ZNF385D: variants seen among roughly 807,000 people sequenced by gnomAD.
ZNF385D encodes the protein zinc finger protein 385D.
ZNF385D carries 15 observed loss-of-function variants against 35.8 expected under a neutral mutation model. That is an observed-to-expected ratio of 0.42 (90% confidence interval 0.28 to 0.64). The LOEUF is 0.64. Ranked by LOEUF, ZNF385D falls within the 30% of genes least tolerant of loss-of-function variation. ZNF385D has a pLI of 0.23. For missense variants in ZNF385D, 474 were observed against 494.6 expected, an observed-to-expected ratio of 0.96 and a Z score of 0.39; for synonymous variants, 212 against 186.8, an observed-to-expected ratio of 1.13 and a Z score of -1.10.
chr3:22,259,741 T>C (rs762077149), intron 2 of ZNF385D, among the ~76,000 whole-genome samples: 2 of 151,990 alleles, frequency 1.3e-5, no homozygotes, highest in East Asian at 1.9e-4. Flanking sequence ...GGTCCTTATA[T>C]AGTTGGTACC....
chr3:22,316,691 A>G (rs1368473700), intron 2 of ZNF385D, among the ~76,000 whole-genome samples: 1 of 152,232 alleles, frequency 6.6e-6, no homozygotes, highest in East Asian at 1.9e-4. Flanking sequence ...GATTAATAAT[A>G]GTATTTACCA....
At chr3:21,982,028 A>C (rs2336522) in intron 3 of ZNF385D, among the ~76,000 whole-genome samples, 46 of 149,206 alleles carry the variant, frequency 3.1e-4, no homozygotes, top group African/African-American at 9.4e-4. Flanking sequence ...TGTGCTTAGG[A>C]TCGCCTTGGC....
chr3:22,153,825 TAGTC>T (rs1233348854), intron 3 of ZNF385D, among the ~76,000 whole-genome samples: 2 of 152,060 alleles, frequency 1.3e-5, no homozygotes, highest in Non-Finnish European at 1.5e-5. Flanking sequence ...GCTGGTCTCA[TAGTC>T]AGCTTCCTCA....
intron 3 of ZNF385D, among the ~76,000 whole-genome samples, chr3:21,997,133 T>C (rs1014578334): frequency 2.6e-5 from 4 of 151,872 alleles, no homozygotes; most frequent in Non-Finnish European, 4.4e-5. Context: ...ATTAAGAAAA[T>C]ATGGCACATA....
At chr3:21,744,894 G>A (rs1418335483) in intron 1 of ZNF385D, among the ~76,000 whole-genome samples, 1 of 152,078 alleles carries the variant, frequency 6.6e-6, no homozygotes, top group Non-Finnish European at 1.5e-5. Context: ...TGTTTCAGCA[G>A]CAAAAGGGAC....
chr3:21,511,089 C>T, intron 3 of ZNF385D, 66 bp from the exon 4 acceptor site: 4 of 1,571,896 alleles, frequency 2.5e-6, no homozygotes, highest in Non-Finnish European at 3.5e-6. Flanking sequence ...CTCTGTATTA[C>T]TGCAAATACA....
intron 2 of ZNF385D, among the ~76,000 whole-genome samples, chr3:22,246,124 T>C (rs1327605504): frequency 6.6e-6 from 1 of 152,182 alleles, no homozygotes; most frequent in African/African-American, 2.4e-5. Context: ...ATGATTTAAA[T>C]GCAAACTTTT....
intron 2 of ZNF385D, among the ~76,000 whole-genome samples, chr3:22,212,219 A>G (rs1252143913): frequency 6.6e-6 from 1 of 152,034 alleles, no homozygotes; most frequent in African/African-American, 2.4e-5. Context: ...GAAGGAGGTG[A>G]CCATCAAACG....
chr3:21,929,974 G>A (rs929933515), intron 3 of ZNF385D, among the ~76,000 whole-genome samples: 3 of 151,956 alleles, frequency 2.0e-5, no homozygotes, highest in African/African-American at 7.2e-5. Flanking sequence ...GGGAATACAA[G>A]GGACCCAGAA....
At chr3:21,795,983 G>A (rs184309925) in intron 3 of ZNF385D, among the ~76,000 whole-genome samples, 29 of 152,208 alleles carry the variant, frequency 1.9e-4, no homozygotes, top group African/African-American at 7.0e-4. Context: ...AATAGTCTAG[G>A]GTAATTTTCT....
intron 2 of ZNF385D, among the ~76,000 whole-genome samples, chr3:22,294,047 A>G (rs1014929087): frequency 1.3e-5 from 2 of 151,146 alleles, no homozygotes; most frequent in African/African-American, 2.4e-5. Context: ...TTTTTTTCTA[A>G]TTGATTGTAT....
chr3:21,687,492 A>G lies in ZNF385D; in HGVS notation c.23-22464T>C, dbSNP rs190720872. 4.1e-4 allele frequency among the ~76,000 whole-genome samples: 62 copies of G among 152,208 alleles called. 1 individual carries two copies. The highest frequency in any genetic ancestry group is 1.4e-3 in the African/African-American group (59 of 41,544). ...AATTTCCCATATACCCTCGGCCGCT[A>G]CACATGTATAGCTTTTTCCATTATC... On this transcript the variant is annotated intron_variant, in intron 1 of 7. Coordinates refer to ENST00000281523, the MANE Select transcript of ZNF385D (RefSeq NM_024697.3).
intron 3 of ZNF385D, among the ~76,000 whole-genome samples, chr3:21,819,057 G>A (rs185166558): frequency 2.0e-5 from 3 of 151,898 alleles, no homozygotes; most frequent in African/African-American, 4.8e-5. Flanking sequence ...TATTAACAGG[G>A]CCTTGTAATT....
chr3:21,771,521 AGACTTGAT>A (rs1337899964), intron 3 of ZNF385D, among the ~76,000 whole-genome samples: 1 of 152,114 alleles, frequency 6.6e-6, no homozygotes, highest in African/African-American at 2.4e-5. Flanking sequence ...TTCCTAAAAA[AGACTTGAT>A]GACAACTCTA....
chr3:21,616,452 C>T (rs1477388410), intron 2 of ZNF385D, among the ~76,000 whole-genome samples: 1 of 152,124 alleles, frequency 6.6e-6, no homozygotes, highest in Non-Finnish European at 1.5e-5. Flanking sequence ...AATCAATTTC[C>T]TTGCGGGAGA....
chr3:22,017,961 T>A (rs1432871237), intron 3 of ZNF385D, among the ~76,000 whole-genome samples: 1 of 151,960 alleles, frequency 6.6e-6, no homozygotes, highest in African/African-American at 2.4e-5. Flanking sequence ...GTTCTATGTA[T>A]AGAAAAGTTA....
intron 3 of ZNF385D, among the ~76,000 whole-genome samples, chr3:22,088,205 G>A (rs1701145095): frequency 1.3e-5 from 2 of 152,210 alleles, no homozygotes. Context: ...TGCAAGGCAT[G>A]TTAACATGGG....
chr3:21,487,162 G>C (rs1182536941), intron 4 of ZNF385D, among the ~76,000 whole-genome samples: 1 of 152,066 alleles, frequency 6.6e-6, no homozygotes. Context: ...TAACACACCA[G>C]ATATTTTAGG....
chr3:22,016,266 G>C (rs554413544), intron 3 of ZNF385D, among the ~76,000 whole-genome samples: 1 of 152,036 alleles, frequency 6.6e-6, no homozygotes, highest in African/African-American at 2.4e-5. Context: ...TAGAGGGTAG[G>C]TATGCGTCCA....
Sources: allele counts gnomAD v4.1 joint callset (sites outside exome capture counted in the v4.1 genomes callset), GRCh38; gene constraint gnomAD v4.1.1; transcripts MANE v1.5; gene names NCBI Gene and HGNC (gene_info 2026-07-23, HGNC 2026-07-21).